Variants in CDH13 observed in about 807,000 individuals in gnomAD.
CDH13 encodes the protein cadherin 13, also known as cadherin-13.
A neutral mutation model predicts 63.8 loss-of-function variants in CDH13; 24 were observed. The ratio of observed to expected loss-of-function variants is 0.38; its 90% CI spans 0.27 to 0.53. The LOEUF is 0.53. Ranked by LOEUF, CDH13 falls within the 20% of genes least tolerant of loss-of-function variation. The pLI, the probability that CDH13 is intolerant of heterozygous loss-of-function variation, is 0.85. For missense variants in CDH13, 1,049 were observed against 903.1 expected, an observed-to-expected ratio of 1.16 and a Z score of -2.07; for synonymous variants, 503 against 355.3, an observed-to-expected ratio of 1.42 and a Z score of -4.67.
intron 10 of CDH13, among the ~76,000 whole-genome samples, chr16:83,720,497 C>T (rs1464756549): frequency 6.6e-6 from 1 of 152,036 alleles, no homozygotes; most frequent in Non-Finnish European, 1.5e-5. Flanking sequence ...TAATCCTGCT[C>T]TTTGGGAGGC....
chr16:83,562,514 A>T (rs1245034186), intron 7 of CDH13, among the ~76,000 whole-genome samples: 2 of 152,346 alleles, frequency 1.3e-5, no homozygotes, highest in Admixed American at 1.3e-4. Flanking sequence ...TTCATGAAAG[A>T]TTGGTAATCA....
chr16:83,717,510 A>G (rs1909099330), intron 10 of CDH13, among the ~76,000 whole-genome samples: 1 of 152,214 alleles, frequency 6.6e-6, no homozygotes, highest in Non-Finnish European at 1.5e-5. Context: ...CATCCTGCTG[A>G]AGGACGACAC....
intron 4 of CDH13, among the ~76,000 whole-genome samples, chr16:83,128,484 C>T (rs2035908685): frequency 6.6e-6 from 1 of 152,194 alleles, no homozygotes; most frequent in African/African-American, 2.4e-5. Context: ...TCCTCCTGTC[C>T]ACCACTAGTA....
At chr16:83,184,383 G>T (rs2038449142) in intron 4 of CDH13, among the ~76,000 whole-genome samples, 1 of 152,078 alleles carries the variant, frequency 6.6e-6, no homozygotes, top group Non-Finnish European at 1.5e-5. Flanking sequence ...AACCAACAGA[G>T]GGACTCTATG....
chr16:83,057,428 T>A (rs1233930322), intron 3 of CDH13, among the ~76,000 whole-genome samples: 1 of 152,162 alleles, frequency 6.6e-6, no homozygotes, highest in Non-Finnish European at 1.5e-5. Context: ...TCAAAAAAAA[T>A]TCACCAAACT....
intron 2 of CDH13, among the ~76,000 whole-genome samples, chr16:82,945,389 C>A (rs1037487908): frequency 2.8e-4 from 42 of 151,662 alleles, no homozygotes; most frequent in Admixed American, 2.8e-3. Flanking sequence ...AGAAACACTC[C>A]TGGATCAAGT....
chr16:82,983,988 T>G (rs2151390054), intron 2 of CDH13, among the ~76,000 whole-genome samples: 1 of 152,316 alleles, frequency 6.6e-6, no homozygotes, highest in South Asian at 2.1e-4. Flanking sequence ...ATACAAGGAC[T>G]TTCTGCCGTG....
chr16:83,043,204 A>G (rs1400770582), intron 3 of CDH13, among the ~76,000 whole-genome samples: 2 of 152,322 alleles, frequency 1.3e-5, no homozygotes, highest in Admixed American at 1.3e-4. Flanking sequence ...ATTAATTTAA[A>G]TAGATAACAG....
Position 82,731,900 on chromosome 16 carries a change from T to C in CDH13, c.45+104763T>C, listed in dbSNP as rs191956810. On this transcript the variant is annotated intron_variant, in intron 1 of 13. Coordinates refer to ENST00000567109, the MANE Select transcript of CDH13 (RefSeq NM_001257.5). Reference sequence around the variant, plus strand: ...ATTATTAACATTACCAGAATATCACTGCTTGAATGGGGCATGTTCTCTTTA... The same window carrying C: ...ATTATTAACATTACCAGAATATCACCGCTTGAATGGGGCATGTTCTCTTTA... 2.1e-3 allele frequency among the ~76,000 whole-genome samples: 318 copies of C among 152,346 alleles called. 3 individuals are homozygous for C. The highest frequency in any genetic ancestry group is 7.6e-3 in the African/African-American group (314 of 41,576).
At chr16:83,700,670 G>C (rs1047440514) in intron 10 of CDH13, among the ~76,000 whole-genome samples, 1 of 152,146 alleles carries the variant, frequency 6.6e-6, no homozygotes, top group African/African-American at 2.4e-5. Flanking sequence ...ACTTTTTTAT[G>C]AGCAATGCAT....
At chr16:83,785,977 A>T (rs564667028) in intron 13 of CDH13, among the ~76,000 whole-genome samples, 1 of 152,218 alleles carries the variant, frequency 6.6e-6, no homozygotes, top group Admixed American at 6.5e-5. Context: ...ACTCAATAGG[A>T]AACAGGTGGA....
intron 1 of CDH13, among the ~76,000 whole-genome samples, chr16:82,799,912 C>T (rs934248592): frequency 1.3e-5 from 2 of 152,096 alleles, no homozygotes; most frequent in Non-Finnish European, 2.9e-5. Flanking sequence ...AATTGGACAA[C>T]GTATTGACTC....
intron 4 of CDH13, among the ~76,000 whole-genome samples, chr16:83,189,117 T>C (rs1017310862): frequency 1.8e-4 from 27 of 152,146 alleles, no homozygotes; most frequent in African/African-American, 6.0e-4. Flanking sequence ...AGTACATTGA[T>C]TTTTTGCTTT....
chr16:83,659,796 T>C (rs1913273459), intron 8 of CDH13, among the ~76,000 whole-genome samples: 1 of 150,148 alleles, frequency 6.7e-6, no homozygotes, highest in Admixed American at 6.6e-5. Context: ...TTTTTTTTTT[T>C]TTTTTTTTGA....
intron 4 of CDH13, among the ~76,000 whole-genome samples, chr16:83,150,930 C>G (rs909736282): frequency 6.6e-6 from 1 of 152,138 alleles, no homozygotes; most frequent in Non-Finnish European, 1.5e-5. Context: ...TATTATCTGC[C>G]TCTGTCCCTG....
intron 2 of CDH13, among the ~76,000 whole-genome samples, chr16:82,902,219 T>C (rs1270124347): frequency 1.3e-5 from 2 of 152,152 alleles, no homozygotes; most frequent in Non-Finnish European, 2.9e-5. Context: ...TGCCCTAACC[T>C]CCTGAAGCAA....
At chr16:82,987,959 C>T (rs369234519) in intron 2 of CDH13, among the ~76,000 whole-genome samples, 1 of 152,156 alleles carries the variant, frequency 6.6e-6, no homozygotes, top group Non-Finnish European at 1.5e-5. Flanking sequence ...AACAGTGCCT[C>T]GTCTCATTGT....
intron 6 of CDH13, among the ~76,000 whole-genome samples, chr16:83,348,425 A>T (rs1017981060): frequency 6.6e-6 from 1 of 152,194 alleles, no homozygotes; most frequent in African/African-American, 2.4e-5. Context: ...GTCACCACTC[A>T]TGTCACTTTT....
intron 5 of CDH13, among the ~76,000 whole-genome samples, chr16:83,325,884 T>C (rs549055539): frequency 6.6e-6 from 1 of 152,272 alleles, no homozygotes; most frequent in South Asian, 2.1e-4. Flanking sequence ...ATTAATTGAA[T>C]ATGGACTCAC....
Sources: gnomAD v4.1 joint callset for allele counts (sites outside exome capture counted in the v4.1 genomes callset) on GRCh38, gnomAD v4.1.1 for gene constraint, MANE v1.5 for transcripts, NCBI Gene and HGNC (gene_info 2026-07-23, HGNC 2026-07-21) for gene names.